CPE: variants seen among roughly 807,000 people sequenced by gnomAD.
The protein encoded by CPE is carbocypeptidase E.
Under a neutral mutation model 53.5 loss-of-function variants are expected in CPE, and 17 were observed. The observed-to-expected ratio is 0.32, with a 90% CI of 0.22 to 0.48. CPE has a LOEUF of 0.48. CPE is among the 20% of genes least tolerant of loss of function. The pLI is 0.99. For synonymous variants in CPE, 226 were observed against 228.8 expected (o/e 0.99, Z 0.11); for missense variants, 524 against 614.7 (o/e 0.85, Z 1.56).
chr4:165,482,509 A>G lies in CPE; in HGVS notation c.790+150A>G, dbSNP rs543172351. 265 of 621,454 alleles carry G rather than the reference A, an allele frequency of 4.3e-4. 3 individuals are homozygous for G. In the South Asian group the frequency reaches 5.6e-3, roughly 13 times the overall value. 38.5% of individuals were successfully genotyped at this position (621,454 alleles called of 1,614,324 possible). On this transcript the variant is annotated intron_variant, in intron 4 of 8. Coordinates refer to ENST00000402744, the MANE Select transcript of CPE (RefSeq NM_001873.4). ...ACTATGTTTAACAGGAAGCTCTCCT[A>G]ATCATTTCATATGGTGTTGGCATAT... is the stretch of plus-strand genomic sequence containing the variant.
intron 4 of CPE, among the ~76,000 whole-genome samples, chr4:165,482,993 A>G (rs1468938282): frequency 6.6e-6 from 1 of 150,506 alleles, no homozygotes; most frequent in Non-Finnish European, 1.5e-5. Context: ...AAACAGGATG[A>G]TTAGTTTGTT....
chr4:165,407,105 C>T (rs1730966084), intron 1 of CPE, among the ~76,000 whole-genome samples: 5 of 152,132 alleles, frequency 3.3e-5, no homozygotes, highest in Admixed American at 3.3e-4. Flanking sequence ...AGGTATGAAC[C>T]TAGCAGTGGA....
chr4:165,421,872 T>C (rs192838088), intron 1 of CPE, among the ~76,000 whole-genome samples: 1,778 of 152,322 alleles, frequency 0.012, 13 homozygotes, highest in Non-Finnish European at 0.017. Flanking sequence ...GTTGTTTCCA[T>C]TGTATTGTTT....
intron 1 of CPE, among the ~76,000 whole-genome samples, chr4:165,410,538 G>A (rs1731025553): frequency 6.6e-6 from 1 of 152,084 alleles, no homozygotes; most frequent in Non-Finnish European, 1.5e-5. Flanking sequence ...TGCTGAAGTA[G>A]AAATTTAGTA....
At chr4:165,482,433 G>A in intron 4 of CPE, 74 bp downstream of exon 4, 1 of 1,075,932 alleles carries the variant, frequency 9.3e-7, no homozygotes, top group South Asian at 1.5e-5. Flanking sequence ...GATGATTTCT[G>A]TAATTTTTTT....
intron 1 of CPE, among the ~76,000 whole-genome samples, chr4:165,426,942 T>C (rs893823202): frequency 6.6e-6 from 1 of 152,206 alleles, no homozygotes; most frequent in African/African-American, 2.4e-5. Context: ...TTTTTATAGT[T>C]GAATGCAAAG....
At chr4:165,488,736 C>CT (rs1376238413) in intron 6 of CPE, among the ~76,000 whole-genome samples, 2 of 152,082 alleles carry the variant, frequency 1.3e-5, no homozygotes, top group African/African-American at 4.8e-5. Flanking sequence ...AAAATCAACA[C>CT]TTTTTTTAAA....
intron 1 of CPE, among the ~76,000 whole-genome samples, chr4:165,402,917 A>T (rs116836440): frequency 0.02 from 3,029 of 152,348 alleles, 87 homozygotes; most frequent in African/African-American, 0.056. Context: ...ACCTTTGTTT[A>T]TAAAAAATAT....
Position 165,379,496 on chromosome 4 carries a change from A to T in CPE, c.275A>T (p.Glu92Val). Residue 92 changes from glutamate to valine, a missense_variant, in exon 1 of 9, where the codon GAG (glutamate) becomes GTG (valine). Physicochemically the swap from Glu to Val is moderately radical, Grantham distance 121 (BLOSUM62 -2). Coordinates refer to ENST00000402744, the MANE Select transcript of CPE (RefSeq NM_001873.4). This position sits in a 1 kb window ranked among gnomAD's most constrained non-coding sequence, Gnocchi z 6.0. The part of the protein sequence containing the change: ...SFEGRELLVI[E>V]LSDNPGVHEP... ...GAGGGCCGGGAGCTCCTGGTCATCG[A>T]GCTGTCCGACAACCCTGGCGTCCAT... The T allele has an allele frequency of 6.3e-7, 1 of 1,599,654 alleles. No individual in the cohort carries two copies. The highest frequency in any genetic ancestry group is 8.5e-7 in the Non-Finnish European group (1 of 1,171,202).
intron 6 of CPE, among the ~76,000 whole-genome samples, chr4:165,489,763 TAGC>T (rs1258981947): frequency 2.0e-5 from 3 of 152,228 alleles, no homozygotes; most frequent in Non-Finnish European, 4.4e-5. Flanking sequence ...ATACTTATGG[TAGC>T]AGGTGGGCAT....
chr4:165,460,345 G>T (rs1731978324), intron 1 of CPE, among the ~76,000 whole-genome samples: 1 of 152,148 alleles, frequency 6.6e-6, no homozygotes, highest in Admixed American at 6.5e-5. Flanking sequence ...TTCAGAATCT[G>T]TTGTTTAGAC....
intron 1 of CPE, chr4:165,405,669 C>A (rs1730941579): frequency 1.3e-6 from 1 of 784,732 alleles, no homozygotes; most frequent in Admixed American, 1.7e-5. Context: ...TTGTCCATTC[C>A]TCTGGAAGTT....
chr4:165,487,306 A>C, intron 5 of CPE, 132 bp from the exon 6 acceptor site: 1 of 1,222,084 alleles, frequency 8.2e-7, no homozygotes, highest in East Asian at 2.3e-5. Flanking sequence ...GATTTCCCTT[A>C]AGTTTTCCCA....
At chr4:165,381,408 AAATG>A (rs1406818548) in intron 1 of CPE, 1 of 435,812 alleles carries the variant, frequency 2.3e-6, no homozygotes. Flanking sequence ...AGTGTGGAAA[AAATG>A]AATCCATCAA....
chr4:165,443,488 T>C (rs1001660189), intron 1 of CPE, among the ~76,000 whole-genome samples: 2 of 152,228 alleles, frequency 1.3e-5, no homozygotes, highest in Non-Finnish European at 2.9e-5. Context: ...ACTGGAAGTC[T>C]GAGATCAAAG....
At chr4:165,412,861 A>G (rs1408036728) in intron 1 of CPE, among the ~76,000 whole-genome samples, 2 of 152,330 alleles carry the variant, frequency 1.3e-5, no homozygotes, top group African/African-American at 4.8e-5. Context: ...CTAAGCAGCC[A>G]TGTATTCCAT....
intron 1 of CPE, among the ~76,000 whole-genome samples, chr4:165,414,665 G>A (rs1205123788): frequency 1.3e-5 from 2 of 151,262 alleles, no homozygotes; most frequent in African/African-American, 2.4e-5. Flanking sequence ...CCTGGATAAC[G>A]TAGATATAGA....
chr4:165,473,497 C>T (rs1732242989), intron 3 of CPE, among the ~76,000 whole-genome samples: 1 of 152,220 alleles, frequency 6.6e-6, no homozygotes, highest in Admixed American at 6.5e-5. Context: ...CAAGAGATTG[C>T]TCAGTTAGAT....
rs553828090 is a variant in CPE, at chr4:165,447,699, A to T, written c.308-16691A>T. On this transcript the variant is annotated intron_variant, in intron 1 of 8. Transcript: ENST00000402744. ...AAAATTTTTTGACTCTTTTGTAATC[A>T]CACAGCTTAAAACACAGAAGCATTC... Among the ~76,000 whole-genome samples the T allele has an allele frequency of 7.9e-5, 12 of 152,264 alleles. 1 individual carries two copies. In the South Asian group the frequency reaches 2.5e-3, roughly 32 times the overall value.
Sources: gnomAD v4.1 joint callset for allele counts (sites outside exome capture counted in the v4.1 genomes callset) on GRCh38, gnomAD v4.1.1 for gene constraint, Gnocchi (gnomAD v3.1) non-coding constraint, MANE v1.5 for transcripts, NCBI Gene and HGNC (gene_info 2026-07-23, HGNC 2026-07-21) for gene names.